Variants in ULBP2 observed in about 807,000 individuals in gnomAD.
The protein encoded by ULBP2 is UL16 binding protein 2.
In ULBP2, 21 loss-of-function variants were observed where a neutral mutation model predicts 23.6. The observed-to-expected ratio is 0.89, with a 90% CI of 0.63 to 1.28. ULBP2 has a LOEUF of 1.28. Ranked by LOEUF, ULBP2 falls within the 50% of genes most tolerant of loss-of-function variation. ULBP2 has a pLI of 0.00. For missense variants in ULBP2, 251 were observed against 306.0 expected (o/e 0.82, Z 1.34); for synonymous variants, 82 against 112.8 (o/e 0.73, Z 1.73).
chr6:149,943,424 A>G (rs571355394), intron 1 of ULBP2, among the ~76,000 whole-genome samples: 1 of 151,968 alleles, frequency 6.6e-6, no homozygotes, highest in African/African-American at 2.4e-5. Context: ...ACCATCAGGT[A>G]CCCTCCCTGA....
At chr6:149,948,550 C>T (rs1220161547) in intron 4 of ULBP2, among the ~76,000 whole-genome samples, 173 bp from the exon 5 acceptor site, 1 of 152,100 alleles carries the variant, frequency 6.6e-6, no homozygotes, top group Non-Finnish European at 1.5e-5. Flanking sequence ...TGTGATGTGA[C>T]AGAGGAGGAA....
At chr6:149,946,244 A>T (rs2114685945) in intron 2 of ULBP2, 128 bp from the exon 3 acceptor site, 1 of 1,217,230 alleles carries the variant, frequency 8.2e-7, no homozygotes, top group East Asian at 2.4e-5. Flanking sequence ...AGGTCATCAT[A>T]CCCCTCAAGA....
intron 1 of ULBP2, among the ~76,000 whole-genome samples, chr6:149,944,782 C>T (rs1433062694): frequency 5.0e-5 from 7 of 139,072 alleles, no homozygotes; most frequent in African/African-American, 2.2e-4. Context: ...TTCAGGAAGG[C>T]CTCCTCATAG....
intron 1 of ULBP2, among the ~76,000 whole-genome samples, chr6:149,942,608 C>T (rs1435186036): frequency 6.6e-6 from 1 of 152,096 alleles, no homozygotes; most frequent in African/African-American, 2.4e-5. Flanking sequence ...CACAAACCCT[C>T]CAGCGCCCCC....
chr6:149,945,793 T>C (rs559093639), intron 2 of ULBP2, among the ~76,000 whole-genome samples: 2 of 152,066 alleles, frequency 1.3e-5, no homozygotes, highest in Non-Finnish European at 2.9e-5. Flanking sequence ...ATGCAAAAAT[T>C]AGCCAGGCAT....
At chr6:149,946,698 T>C (rs774572763) in intron 3 of ULBP2, 45 bp downstream of exon 3, 3 of 1,606,080 alleles carry the variant, frequency 1.9e-6, no homozygotes, top group Admixed American at 1.7e-5. Flanking sequence ...TGATCAGAAA[T>C]GGTGACCTCA....
chr6:149,942,194 C>G lies in ULBP2; in HGVS notation c.85+37C>G, dbSNP rs752267917. The G allele has an allele frequency of 1.9e-6, 3 of 1,602,158 alleles. No homozygotes were observed. In the Admixed American group the frequency reaches 5.1e-5, roughly 27 times the overall value. ...GATGGAGCCTAAGCCGGGCGGGGAC[C>G]AAGCCTGGAGGGCTGTGAACTGCCG... On this transcript the variant is annotated intron_variant, in intron 1 of 4. Coordinates refer to ENST00000367351, the MANE Select transcript of ULBP2 (RefSeq NM_025217.4).
chr6:149,942,097 A>G lies in ULBP2; in HGVS notation c.25A>G (p.Ile9Val). The change falls in exon 1 of 5, where the codon ATC (isoleucine) becomes GTC (valine). Residue 9 changes from isoleucine to valine, a missense_variant. Ile to Val is a conservative substitution (Grantham distance 29). Around this residue, in one of 2 missense-constraint regions of ULBP2, gnomAD observed 248 missense variants for 258.9 expected, o/e 0.96. Transcript: ENST00000367351. The part of the protein sequence containing the change: MAAAAATK[I>V]LLCLPLLLLL... ...AATGGCAGCAGCCGCCGCTACCAAG[A>G]TCCTTCTGTGCCTCCCGCTTCTGCT... The G allele has an allele frequency of 3.7e-6, 6 of 1,613,274 alleles. No homozygotes were observed. The highest frequency in any genetic ancestry group is 5.1e-6 in the Non-Finnish European group (6 of 1,179,768).
In ULBP2 at chr6:149,949,116, G is replaced by C. The variant is rs547893176; in HGVS notation, c.*416G>C. The C allele has an allele frequency of 6.4e-6, 1 of 155,054 alleles. No individual in the cohort carries two copies. The highest frequency in any genetic ancestry group is 1.4e-5 in the Non-Finnish European group (1 of 70,116). The allele number at this position is 155,054 out of a possible 1,614,324, so 9.6% of individuals were successfully genotyped here. Reference sequence around the variant, plus strand: ...CTTCAGACCTCTGGGGATTCTTTCCGTGTCCTGAAAGAGAATTTTTAAATT... The same window carrying C: ...CTTCAGACCTCTGGGGATTCTTTCCCTGTCCTGAAAGAGAATTTTTAAATT... On this transcript the variant is annotated 3_prime_UTR_variant, in exon 5 of 5. Transcript: ENST00000367351.
chr6:149,942,287 G>A (rs1582812076), intron 1 of ULBP2, 130 bp downstream of exon 1: 3 of 980,094 alleles, frequency 3.1e-6, no homozygotes, highest in East Asian at 5.6e-5. Flanking sequence ...CCCCCGTTCA[G>A]TTCCGGTCGG....
At chr6:149,946,800 T>A in intron 3 of ULBP2, 147 bp downstream of exon 3, 2 of 1,362,168 alleles carry the variant, frequency 1.5e-6, no homozygotes, top group Non-Finnish European at 2.0e-6. Context: ...CTGGGGTTAC[T>A]GGCATGCCTG....
chr6:149,948,211 T>C (rs1235859440), intron 4 of ULBP2, among the ~76,000 whole-genome samples: 1 of 151,884 alleles, frequency 6.6e-6, no homozygotes, highest in Non-Finnish European at 1.5e-5. Context: ...GCTGCTGGGG[T>C]TCCACAGGCA....
intron 2 of ULBP2, 100 bp from the exon 3 acceptor site, chr6:149,946,272 A>G: frequency 2.1e-6 from 3 of 1,441,876 alleles, no homozygotes; most frequent in Non-Finnish European, 2.8e-6. Flanking sequence ...GGCAAGGCCA[A>G]GATGTAGCAG....
In ULBP2 at chr6:149,946,502, G is replaced by A. The variant is rs752125245; in HGVS notation, c.480G>A (p.Thr160=). 1.9e-5 allele frequency: 31 copies of A among 1,613,978 alleles called. No individual in the cohort carries two copies. Among genetic ancestry groups the A allele is most frequent in the Admixed American group, 3.3e-5 (2 of 59,994 alleles). Residue 160 remains threonine, a synonymous_variant, in exon 3 of 5, where the codon ACG becomes ACA. Transcript: ENST00000367351. Reference sequence around the variant, plus strand: ...ACTCAGAGAAGAGAATGTGGACAACGGTTCATCCTGGAGCCAGAAAGATGA... The same window carrying A: ...ACTCAGAGAAGAGAATGTGGACAACAGTTCATCCTGGAGCCAGAAAGATGA... ...LFDSEKRMWT[T]VHPGARKMKE...
chr6:149,948,362 G>A lies in ULBP2; in HGVS notation c.*23-361G>A, dbSNP rs561092982. ...GCCTGCAGGCCCACCAAAGGCCAAGGGCACAGGAATATGGAGCCCTCTTTT... is the reference window on the plus strand; with the variant it reads ...GCCTGCAGGCCCACCAAAGGCCAAGAGCACAGGAATATGGAGCCCTCTTTT... On this transcript the variant is annotated intron_variant, in intron 4 of 4. Coordinates refer to ENST00000367351, the MANE Select transcript of ULBP2 (RefSeq NM_025217.4). Among the ~76,000 whole-genome samples the A allele has an allele frequency of 4.6e-5, 7 of 152,304 alleles. No homozygotes were observed. The South Asian group carries it at 1.5e-3, about 32-fold the overall frequency.
chr6:149,944,097 CAGGGTTAA>C lies in ULBP2; in HGVS notation c.86-1206_86-1199del, dbSNP rs1373639317. ...CCACAAGGACTCACTGTCCTGGCTGCAGGGTTAAAGGGTCCTTCCTCACTAGAAACTGG... is the reference window on the plus strand; with the variant it reads ...CCACAAGGACTCACTGTCCTGGCTGCAGGGTCCTTCCTCACTAGAAACTGG... On this transcript the variant is annotated intron_variant, in intron 1 of 4. Transcript: ENST00000367351. Among the ~76,000 whole-genome samples the C allele has an allele frequency of 6.4e-4, 97 of 152,182 alleles. 3 individuals are homozygous for C. The highest frequency in any genetic ancestry group is 2.2e-3 in the African/African-American group (92 of 41,426).
Position 149,942,255 on chromosome 6 carries a change from G to C in ULBP2, c.85+98G>C, listed in dbSNP as rs1778874569. On this transcript the variant is annotated intron_variant, in intron 1 of 4. Transcript: ENST00000367351. ...AGGAGGGGAGGCTTCTAGAAGGACG[G>C]GGGAGATCTCCCCTAACTGCGCCCC... 3.8e-6 allele frequency: 5 copies of C among 1,315,496 alleles called. No individual in the cohort carries two copies. In the Admixed American group the frequency reaches 9.3e-5, roughly 25 times the overall value. 81.5% of individuals were successfully genotyped at this position (1,315,496 alleles called of 1,614,324 possible). A position where few individuals can be genotyped will look rare whatever the true frequency, so the allele number is the denominator to read the frequency against.
chr6:149,945,062 G>A (rs1447956767), intron 1 of ULBP2, among the ~76,000 whole-genome samples: 1 of 151,488 alleles, frequency 6.6e-6, no homozygotes, highest in Non-Finnish European at 1.5e-5. Context: ...GGGCAGAGGG[G>A]CAGTGGGACA....
Position 149,949,084 on chromosome 6 carries a change from C to T in ULBP2, c.*384C>T, listed in dbSNP as rs60897658. 627 of 175,874 alleles carry T rather than the reference C, an allele frequency of 3.6e-3. 4 individuals are homozygous for T. Among genetic ancestry groups the T allele is most frequent in the African/African-American group, 0.014 (591 of 41,760 alleles). 10.9% of individuals were successfully genotyped at this position (175,874 alleles called of 1,614,324 possible). A position where few individuals can be genotyped will look rare whatever the true frequency, so the allele number is the denominator to read the frequency against. On this transcript the variant is annotated 3_prime_UTR_variant, in exon 5 of 5. Coordinates refer to ENST00000367351, the MANE Select transcript of ULBP2 (RefSeq NM_025217.4). ...AATGATATTGTCAGTAAAATAATCA[C>T]GTTAGACTTCAGACCTCTGGGGATT...
Sources: allele counts gnomAD v4.1 joint callset (sites outside exome capture counted in the v4.1 genomes callset), GRCh38; gene constraint gnomAD v4.1.1; regional missense constraint gnomAD v4.1.1; transcripts MANE v1.5; gene names NCBI Gene and HGNC (gene_info 2026-07-23, HGNC 2026-07-21).